CNTN5: variants seen among roughly 807,000 people sequenced by gnomAD.
The protein encoded by CNTN5 is contactin-5.
In CNTN5, 77 loss-of-function variants were observed where a neutral mutation model predicts 129.1. The observed-to-expected ratio is 0.60, with a 90% CI of 0.50 to 0.72. CNTN5 has a LOEUF of 0.72. CNTN5 is among the 30% of genes least tolerant of loss of function. CNTN5 has a pLI of 0.00. For synonymous variants in CNTN5, 509 were observed against 465.6 expected (o/e 1.09, Z -1.20); for missense variants, 1,478 against 1,328.8 (o/e 1.11, Z -1.75).
intron 13 of CNTN5, among the ~76,000 whole-genome samples, chr11:100,076,085 T>G (rs1230913655): frequency 6.6e-6 from 1 of 152,094 alleles, no homozygotes; most frequent in Non-Finnish European, 1.5e-5. Context: ...TATTAGTGGA[T>G]TTTTGCTCAC....
chr11:100,129,862 TAATC>T (rs1187640543), intron 13 of CNTN5, among the ~76,000 whole-genome samples: 6 of 151,984 alleles, frequency 3.9e-5, no homozygotes, highest in African/African-American at 1.4e-4. Flanking sequence ...TGTGTTGTAT[TAATC>T]AGGTTAAAAA....
In CNTN5 at chr11:99,260,018, TC is replaced by T. The variant is rs1312443690; in HGVS notation, c.-209-65327del. On this transcript the variant is annotated intron_variant, in intron 1 of 24. Transcript: ENST00000524871. The stretch of plus-strand genomic sequence containing the variant: ...TTCTGTATTATATAAATATTAATCT[TC>T]ATCTGTTACCTGAAGCGAAAATATT... Among the ~76,000 whole-genome samples the T allele has an allele frequency of 7.9e-5, 12 of 151,842 alleles. No individual in the cohort carries two copies. The East Asian group carries it at 1.5e-3, about 20-fold the overall frequency.
At chr11:99,946,343 A>G (rs1950552789) in intron 7 of CNTN5, among the ~76,000 whole-genome samples, 1 of 152,156 alleles carries the variant, frequency 6.6e-6, no homozygotes, top group South Asian at 2.1e-4. Flanking sequence ...TTATTAATTA[A>G]CCTACAAACT....
At chr11:99,981,149 A>G (rs1484096468) in intron 8 of CNTN5, among the ~76,000 whole-genome samples, 1 of 146,980 alleles carries the variant, frequency 6.8e-6, no homozygotes, top group East Asian at 2.1e-4. Flanking sequence ...AGGGAAATTG[A>G]TTCATGTGAT....
At chr11:99,657,757 A>C (rs1421528201) in intron 3 of CNTN5, among the ~76,000 whole-genome samples, 1 of 152,124 alleles carries the variant, frequency 6.6e-6, no homozygotes, top group Admixed American at 6.6e-5. Context: ...CAGTGACTAC[A>C]TCTGTTATGT....
At chr11:99,912,732 C>T (rs1343135860) in intron 6 of CNTN5, among the ~76,000 whole-genome samples, 1 of 149,188 alleles carries the variant, frequency 6.7e-6, no homozygotes, top group Non-Finnish European at 1.5e-5. Context: ...TTCTTTTAAA[C>T]CCTGTGTGAG....
intron 15 of CNTN5, among the ~76,000 whole-genome samples, chr11:100,201,247 A>T (rs746933515): frequency 2.0e-5 from 3 of 151,926 alleles, no homozygotes; most frequent in Non-Finnish European, 4.4e-5. Context: ...GCAAATTTCT[A>T]TTGATTATCC....
chr11:100,180,314 A>G (rs1183454080), intron 13 of CNTN5, among the ~76,000 whole-genome samples: 2 of 152,024 alleles, frequency 1.3e-5, no homozygotes, highest in African/African-American at 4.8e-5. Flanking sequence ...ACCCACATAA[A>G]TATGCTCAAC....
At chr11:99,183,208 C>T (rs1858167985) in intron 1 of CNTN5, among the ~76,000 whole-genome samples, 1 of 152,140 alleles carries the variant, frequency 6.6e-6, no homozygotes, top group Admixed American at 6.6e-5. Context: ...AACACCATAA[C>T]ATTTTCTCAT....
chr11:100,238,408 CAAAAAAAAAAAAA>C (rs201855934), intron 16 of CNTN5, among the ~76,000 whole-genome samples: 1 of 71,328 alleles, frequency 1.4e-5, no homozygotes. Flanking sequence ...CCTCACTTGT[CAAAAAAAAAAAAA>C]AAAAAAAAAG....
chr11:99,639,564 T>TTG (rs1267289594), intron 3 of CNTN5, among the ~76,000 whole-genome samples: 6 of 137,778 alleles, frequency 4.4e-5, no homozygotes, highest in African/African-American at 1.6e-4. Flanking sequence ...TTTATGTTTT[T>TTG]TTTTTTTTTT....
At chr11:99,436,341 A>G (rs1361217690) in intron 2 of CNTN5, among the ~76,000 whole-genome samples, 1 of 152,176 alleles carries the variant, frequency 6.6e-6, no homozygotes, top group African/African-American at 2.4e-5. Flanking sequence ...AGGATCAGAG[A>G]GATTAAATCA....
rs1204979930 is a variant in CNTN5, at chr11:100,341,119, A to T, written c.2944A>T (p.Arg982Trp). Residue 982 changes from arginine (R) to tryptophan (W), a missense_variant, in exon 23 of 25, where the codon AGG (arginine) becomes TGG (tryptophan). By Grantham distance (101) the Arg-to-Trp change is moderately radical. Transcript: ENST00000524871. Reference protein sequence around the residue: ...SPPSQAPSNLRWEQQGSQVSL... With the variant: ...SPPSQAPSNLWWEQQGSQVSL... Reference sequence around the variant, plus strand: ...TCCTAGTCAAGCACCTAGCAACCTCAGGTGGGAGCAGCAAGGCTCTCAGGT... The same window carrying T: ...TCCTAGTCAAGCACCTAGCAACCTCTGGTGGGAGCAGCAAGGCTCTCAGGT... 1 of 1,613,086 alleles carries T rather than the reference A, an allele frequency of 6.2e-7. No homozygotes were observed. Among genetic ancestry groups the T allele is most frequent in the East Asian group, 2.2e-5 (1 of 44,864 alleles).
At chr11:99,582,315 C>A (rs1949633404) in intron 3 of CNTN5, among the ~76,000 whole-genome samples, 1 of 152,140 alleles carries the variant, frequency 6.6e-6, no homozygotes, top group Non-Finnish European at 1.5e-5. Flanking sequence ...TGGAGTTGCT[C>A]TTCTCGAGGA....
chr11:100,169,554 T>A (rs1430201334), intron 13 of CNTN5, among the ~76,000 whole-genome samples: 1 of 151,996 alleles, frequency 6.6e-6, no homozygotes, highest in Admixed American at 6.6e-5. Context: ...GGTTAGCGTT[T>A]TATAGCAATA....
intron 1 of CNTN5, among the ~76,000 whole-genome samples, chr11:99,245,738 G>A (rs1315681918): frequency 1.3e-5 from 2 of 152,116 alleles, no homozygotes; most frequent in African/African-American, 2.4e-5. Context: ...GTCATCTAAC[G>A]CTGGCATTGT....
At chr11:99,419,263 G>T (rs990659113) in intron 2 of CNTN5, among the ~76,000 whole-genome samples, 1 of 152,164 alleles carries the variant, frequency 6.6e-6, no homozygotes, top group Non-Finnish European at 1.5e-5. Context: ...ACCCTCTGGA[G>T]ATGTAAATAG....
At chr11:100,128,627 A>G (rs1193424070) in intron 13 of CNTN5, among the ~76,000 whole-genome samples, 1 of 152,178 alleles carries the variant, frequency 6.6e-6, no homozygotes, top group African/African-American at 2.4e-5. Flanking sequence ...CAGCTATAGT[A>G]GAAAGGCACA....
chr11:99,739,164 A>G (rs531734981), intron 3 of CNTN5, among the ~76,000 whole-genome samples: 1 of 152,246 alleles, frequency 6.6e-6, no homozygotes, highest in South Asian at 2.1e-4. Context: ...CTTACCACAT[A>G]GAGCATAATT....
Sources: gnomAD v4.1 joint callset for allele counts (sites outside exome capture counted in the v4.1 genomes callset) on GRCh38, gnomAD v4.1.1 for gene constraint, MANE v1.5 for transcripts, NCBI Gene and HGNC (gene_info 2026-07-23, HGNC 2026-07-21) for gene names.